FRY: variants seen among roughly 807,000 people sequenced by gnomAD.
FRY encodes the protein FRY microtubule binding protein.
Under a neutral mutation model 348.4 loss-of-function variants are expected in FRY, and 128 were observed. The ratio of observed to expected loss-of-function variants is 0.37; its 90% confidence interval spans 0.32 to 0.43. The LOEUF (loss-of-function observed/expected upper bound fraction) is 0.43, where lower values mean the gene tolerates loss of function less well. Ranked by LOEUF, FRY falls within the 20% of genes least tolerant of loss-of-function variation. The pLI is 1.00. For synonymous variants in FRY, 1,370 were observed against 1,374.7 expected (o/e 1.00, Z 0.08); for missense variants, 2,736 against 3,695.2 (o/e 0.74, Z 6.73).
intron 7 of FRY, among the ~76,000 whole-genome samples, chr13:32,128,314 T>C (rs148705461): frequency 8.0e-4 from 122 of 152,314 alleles, no homozygotes; most frequent in Middle Eastern, 3.4e-3. Flanking sequence ...GAATAGTGAT[T>C]GACTATTCAC....
At position 32,239,776 on chromosome 13, in the gene FRY, G is replaced by A. The variant is rs375289926; in HGVS notation, c.6582G>A (p.Thr2194=). Residue 2194 remains threonine (T), a synonymous_variant, in exon 46 of 61, where the codon ACG becomes ACA. Coordinates refer to ENST00000542859, the MANE Select transcript of FRY (RefSeq NM_023037.3). This position sits in a 1 kb window ranked among gnomAD's most constrained non-coding sequence, Gnocchi z 4.3. ...NLAHVMTLYK[T]HSYTRDCATW... ...CACATGTCATGACTCTTTATAAAAC[G>A]CACAGCTACACGAGGGACTGTGCCA... 2.9e-5 allele frequency: 47 copies of A among 1,613,696 alleles called. 1 individual carries two copies. In the South Asian group the frequency reaches 3.7e-4, roughly 13 times the overall value.
chr13:32,218,736 C>A lies in FRY; in HGVS notation c.4683-13C>A. Reference sequence around the variant, plus strand: ...ATGTTAATATTTCATTCTGGTTGTTCTTGTATTTGAAGGTTTAGTAATGTC... The same window carrying A: ...ATGTTAATATTTCATTCTGGTTGTTATTGTATTTGAAGGTTTAGTAATGTC... On this transcript the variant is annotated splice_polypyrimidine_tract_variant and intron_variant, in intron 35 of 60. Coordinates refer to ENST00000542859, the MANE Select transcript of FRY (RefSeq NM_023037.3). 2 of 1,320,062 alleles carry A rather than the reference C, an allele frequency of 1.5e-6. No homozygotes were observed. The highest frequency in any genetic ancestry group is 2.2e-6 in the Non-Finnish European group (2 of 924,376). 81.8% of individuals were successfully genotyped at this position (1,320,062 alleles called of 1,614,324 possible). A position where few individuals can be genotyped will look rare whatever the true frequency, so the allele number is the denominator to read the frequency against.
chr13:32,228,723 C>A, intron 40 of FRY, 69 bp downstream of exon 40: 1 of 1,286,538 alleles, frequency 7.8e-7, no homozygotes, highest in Non-Finnish European at 1.1e-6. Flanking sequence ...ACGCTTTAAA[C>A]CACACAGATG....
At chr13:32,059,396 A>G (rs1005941986) in intron 1 of FRY, among the ~76,000 whole-genome samples, 3 of 147,066 alleles carry the variant, frequency 2.0e-5, no homozygotes, top group Non-Finnish European at 4.5e-5. Context: ...AAAAGGAGAA[A>G]TTGTAGACTT....
At chr13:32,268,500 AAAAAAATATATAT>A (rs1475857933) in intron 55 of FRY, among the ~76,000 whole-genome samples, 21 of 18,978 alleles carry the variant, frequency 1.1e-3, no homozygotes, top group Middle Eastern at 0.05. Context: ...AAAAAAAAAA[AAAAAAATATATAT>A]ATATATATAT....
chr13:32,241,681 T>C lies in FRY; in HGVS notation c.6687+1800T>C, dbSNP rs575017164. Among the ~76,000 whole-genome samples the C allele has an allele frequency of 5.3e-5, 8 of 152,314 alleles. No individual in the cohort carries two copies. The East Asian group carries it at 7.7e-4, about 15-fold the overall frequency. On this transcript the variant is annotated intron_variant, in intron 46 of 60. Coordinates refer to ENST00000542859, the MANE Select transcript of FRY (RefSeq NM_023037.3). The stretch of plus-strand genomic sequence containing the variant: ...AAGTACTTCTGTAACAACCAAAAAG[T>C]GTATCAGTGTACTCTGGCAGTCTGG...
chr13:32,133,768 C>CTTTTTT lies in FRY; in HGVS notation c.886-1119_886-1114dup, dbSNP rs34413710. On this transcript the variant is annotated intron_variant, in intron 8 of 60. Transcript: ENST00000542859. ...CTTTCTTTTCTTTCTTTCTTTCTTT[C>CTTTTTT]TTTTTTTTTTTTTTTTTTTTTTGAA... Among the ~76,000 whole-genome samples the CTTTTTT allele has an allele frequency of 2.7e-3, 238 of 89,242 alleles. 2 individuals carry two copies. The highest frequency in any genetic ancestry group is 3.4e-3 in the Non-Finnish European group (160 of 46,668). The allele number at this position is 89,242 out of a possible 152,430, so 58.5% of individuals were successfully genotyped here.
intron 1 of FRY, among the ~76,000 whole-genome samples, chr13:32,047,999 T>TC (rs1272575465): frequency 1.3e-5 from 2 of 152,136 alleles, no homozygotes; most frequent in Admixed American, 1.3e-4. Context: ...CACTTCCCCT[T>TC]CCCCTACCCT....
chr13:32,110,883 G>T (rs1877909860), intron 3 of FRY, among the ~76,000 whole-genome samples: 2 of 152,206 alleles, frequency 1.3e-5, no homozygotes, highest in South Asian at 4.1e-4. Context: ...AGGAGCATGT[G>T]TCAGAGCAAT....
chr13:32,229,955 C>T (rs1593773756), intron 40 of FRY, among the ~76,000 whole-genome samples: 1 of 152,176 alleles, frequency 6.6e-6, no homozygotes, highest in East Asian at 1.9e-4. Context: ...TAATTTAAAA[C>T]ATTTTAAAAT....
intron 1 of FRY, among the ~76,000 whole-genome samples, chr13:32,051,493 A>C (rs969369118): frequency 2.6e-5 from 4 of 152,182 alleles, no homozygotes; most frequent in African/African-American, 9.6e-5. Context: ...CCAGCACCCG[A>C]ATTACTCCTG....
chr13:32,110,843 T>C (rs1409602627), intron 3 of FRY, among the ~76,000 whole-genome samples: 1 of 152,270 alleles, frequency 6.6e-6, no homozygotes, highest in African/African-American at 2.4e-5. Flanking sequence ...TTATTTTCTC[T>C]TTGCATAATA....
chr13:32,258,118 G>A (rs2138531280), intron 51 of FRY: 1 of 692,454 alleles, frequency 1.4e-6, no homozygotes, highest in Non-Finnish European at 2.6e-6. Context: ...TGTGATATAA[G>A]AGGTATTTTT....
At chr13:32,095,265 T>C (rs556815247) in intron 2 of FRY, among the ~76,000 whole-genome samples, 6 of 152,150 alleles carry the variant, frequency 3.9e-5, no homozygotes, top group Admixed American at 3.9e-4. Context: ...AGATGCATAG[T>C]TTGCAAATAT....
intron 1 of FRY, among the ~76,000 whole-genome samples, chr13:32,051,108 G>A (rs1873303117): frequency 6.6e-6 from 1 of 152,158 alleles, no homozygotes. Flanking sequence ...CTCCATTCAT[G>A]TAGATACATA....
chr13:32,139,491 A>C (rs1879924163), intron 11 of FRY, among the ~76,000 whole-genome samples: 1 of 152,012 alleles, frequency 6.6e-6, no homozygotes, highest in African/African-American at 2.4e-5. Flanking sequence ...GCAGAGCAGA[A>C]GTGTGCGTGA....
At chr13:32,210,814 C>T in intron 33 of FRY, 52 bp from the exon 34 acceptor site, 2 of 1,478,754 alleles carry the variant, frequency 1.4e-6, no homozygotes. Context: ...GCCTAGTGTT[C>T]CTGTGGACTA....
intron 58 of FRY, among the ~76,000 whole-genome samples, chr13:32,283,590 C>T (rs1001703085): frequency 2.0e-5 from 3 of 152,112 alleles, no homozygotes; most frequent in Non-Finnish European, 2.9e-5. Context: ...AAATTCTCAG[C>T]GCATGTTCAA....
At chr13:32,247,548 G>C (rs749109650) in intron 48 of FRY, 46 bp downstream of exon 48, 1 of 1,416,886 alleles carries the variant, frequency 7.1e-7, no homozygotes, top group South Asian at 1.1e-5. Flanking sequence ...GCATGAATTT[G>C]TAGTAGCAAA....
Sources: gnomAD v4.1 joint callset for allele counts (sites outside exome capture counted in the v4.1 genomes callset) on GRCh38, gnomAD v4.1.1 for gene constraint, Gnocchi (gnomAD v3.1) non-coding constraint, MANE v1.5 for transcripts, NCBI Gene and HGNC (gene_info 2026-07-23, HGNC 2026-07-21) for gene names.